The following NDE1 variants were observed in gnomAD, a reference collection of about 807,000 sequenced individuals.
NDE1 encodes nuclear distribution protein nudE homolog 1.
NDE1 carries 28 observed loss-of-function variants against 43.4 expected under a neutral mutation model. The observed-to-expected ratio is 0.65, with a 90% CI of 0.48 to 0.89. NDE1 has a LOEUF of 0.89. Ranked by LOEUF, NDE1 falls within the 40% of genes least tolerant of loss-of-function variation. NDE1 has a pLI of 0.00. For synonymous variants in NDE1, 184 were observed against 172.0 expected, an observed-to-expected ratio of 1.07 and a Z score of -0.55; for missense variants, 441 against 434.1, an observed-to-expected ratio of 1.02 and a Z score of -0.14.
intron 8 of NDE1, chr16:15,708,710 G>C: frequency 7.5e-7 from 1 of 1,327,358 alleles, no homozygotes; most frequent in South Asian, 1.3e-5. Flanking sequence ...AATGTGCAAG[G>C]GTTTAAAAAT....
intron 8 of NDE1, among the ~76,000 whole-genome samples, chr16:15,697,918 T>C (rs1051376091): frequency 3.3e-5 from 5 of 150,792 alleles, no homozygotes; most frequent in Admixed American, 3.3e-4. Flanking sequence ...GCAATTCTCC[T>C]GCCTCAGCCT....
chr16:15,681,559 C>G (rs1001066681), intron 4 of NDE1, among the ~76,000 whole-genome samples: 1 of 152,006 alleles, frequency 6.6e-6, no homozygotes, highest in Non-Finnish European at 1.5e-5. Flanking sequence ...CCATACCCGG[C>G]CTTTGGCATA....
At chr16:15,657,747 C>T (rs2036843352) in intron 1 of NDE1, among the ~76,000 whole-genome samples, 1 of 151,990 alleles carries the variant, frequency 6.6e-6, no homozygotes, top group South Asian at 2.1e-4. Context: ...AGGCACGCAC[C>T]GCCGTGCCCG....
intron 4 of NDE1, among the ~76,000 whole-genome samples, chr16:15,680,414 G>A (rs534260199): frequency 6.6e-6 from 1 of 152,248 alleles, no homozygotes; most frequent in South Asian, 2.1e-4. Context: ...TCCTGCCAGT[G>A]CACTCAGATT....
intron 3 of NDE1, 36 bp downstream of exon 3, chr16:15,667,475 C>T (rs1419459319): frequency 1.2e-6 from 2 of 1,611,664 alleles, no homozygotes; most frequent in East Asian, 4.5e-5. Context: ...CAGGTGTAGA[C>T]AGGCGTCCAA....
In NDE1 at chr16:15,690,353, C is replaced by CTTTTTTTTTTTTTTTTTTTT. The variant is rs869069843; in HGVS notation, c.524-782_524-763dup. ...GCAACTGGCCTTTTTTTTTTTTTTT[C>CTTTTTTTTTTTTTTTTTTTT]TTTTTTTTTTTTTTTTTTTTTTTTT... On this transcript the variant is annotated intron_variant, in intron 5 of 8. Transcript: ENST00000396354. Among the ~76,000 whole-genome samples the CTTTTTTTTTTTTTTTTTTTT allele has an allele frequency of 5.9e-4, 48 of 80,986 alleles. 2 individuals are homozygous for CTTTTTTTTTTTTTTTTTTTT. The highest frequency in any genetic ancestry group is 7.3e-4 in the Non-Finnish European group (34 of 46,366). The allele number at this position is 80,986 out of a possible 152,430, so 53.1% of individuals were successfully genotyped here. A position where few individuals can be genotyped will look rare whatever the true frequency, so the allele number is the denominator to read the frequency against.
In NDE1 at chr16:15,708,842, CTG is replaced by C. The variant is rs768287089; in HGVS notation, c.947+11983_947+11984del. On this transcript the variant is annotated intron_variant, in intron 8 of 8. Transcript: ENST00000396354. ...CGAAGTTTCCTGTGGGGGGGGCCCTCTGAAACAGAGAGAGAATCCCCGGAGGT... is the reference window on the plus strand; with the variant it reads ...CGAAGTTTCCTGTGGGGGGGGCCCTCAAACAGAGAGAGAATCCCCGGAGGT... The C allele has an allele frequency of 6.2e-7, 1 of 1,610,086 alleles. No homozygotes were observed. Among genetic ancestry groups the C allele is most frequent in the Admixed American group, 1.7e-5 (1 of 59,360 alleles).
intron 5 of NDE1, among the ~76,000 whole-genome samples, chr16:15,688,103 G>A (rs527700888): frequency 1.3e-5 from 2 of 152,350 alleles, no homozygotes; most frequent in South Asian, 4.1e-4. Flanking sequence ...TTCAGCCCAG[G>A]AGGTGGAGTA....
In NDE1 at chr16:15,659,410, G is replaced by C. The variant is rs2036930704; in HGVS notation, c.-43-5326G>C. 2.7e-5 allele frequency among the ~76,000 whole-genome samples: 4 copies of C among 147,166 alleles called. No individual in the cohort carries two copies. The South Asian group carries it at 8.6e-4, about 31-fold the overall frequency. ...CTAAGTTCTCTTGAGGGAAGGAAGGGACCTTGCACACAATCTTTTTTTTTT... is the reference window on the plus strand; with the variant it reads ...CTAAGTTCTCTTGAGGGAAGGAAGGCACCTTGCACACAATCTTTTTTTTTT... On this transcript the variant is annotated intron_variant, in intron 1 of 8. Coordinates refer to ENST00000396354, the MANE Select transcript of NDE1 (RefSeq NM_017668.3).
At chr16:15,661,240 C>A (rs901851874) in intron 1 of NDE1, among the ~76,000 whole-genome samples, 1 of 151,476 alleles carries the variant, frequency 6.6e-6, no homozygotes, top group African/African-American at 2.4e-5. Context: ...GCTCCGCCTC[C>A]CGGGTTCAAG....
upstream of NDE1, among the ~76,000 whole-genome samples, chr16:15,650,061 G>C (rs996305257): frequency 6.6e-6 from 1 of 152,138 alleles, no homozygotes; most frequent in African/African-American, 2.4e-5. Context: ...ACCCCCTCCG[G>C]CCAGGAGCCT....
intron 2 of NDE1, among the ~76,000 whole-genome samples, chr16:15,665,553 C>T (rs184543396): frequency 1.3e-5 from 2 of 151,712 alleles, no homozygotes; most frequent in East Asian, 3.9e-4. Flanking sequence ...AAGCAATTCT[C>T]GTGCCTCAGC....
intron 6 of NDE1, among the ~76,000 whole-genome samples, chr16:15,693,238 C>T (rs1690545334): frequency 1.3e-5 from 2 of 152,292 alleles, no homozygotes; most frequent in South Asian, 4.1e-4. Flanking sequence ...CTCCTGACCT[C>T]AACTGATCGA....
At chr16:15,717,004 A>AC (rs1357826459) in intron 8 of NDE1, 2 of 973,266 alleles carry the variant, frequency 2.1e-6, no homozygotes, top group East Asian at 4.7e-5. Context: ...CTCACAACAT[A>AC]CCTGCACTGT....
At chr16:15,663,103 A>G (rs1331801382) in intron 1 of NDE1, among the ~76,000 whole-genome samples, 1 of 152,128 alleles carries the variant, frequency 6.6e-6, no homozygotes, top group African/African-American at 2.4e-5. Flanking sequence ...CAGTCTGTCC[A>G]GGTAGGTTCC....
At chr16:15,660,066 AT>A (rs2036970370) in intron 1 of NDE1, among the ~76,000 whole-genome samples, 1 of 152,092 alleles carries the variant, frequency 6.6e-6, no homozygotes, top group Non-Finnish European at 1.5e-5. Context: ...TCTTACTTGG[AT>A]TCCTCATGCC....
intron 4 of NDE1, among the ~76,000 whole-genome samples, chr16:15,685,083 G>A (rs763240515): frequency 2.6e-5 from 4 of 152,176 alleles, no homozygotes; most frequent in Non-Finnish European, 5.9e-5. Context: ...GCATGATAAT[G>A]GGTCTTCCTC....
At chr16:15,722,101 C>T (rs1383732940) in intron 8 of NDE1, among the ~76,000 whole-genome samples, 1 of 152,128 alleles carries the variant, frequency 6.6e-6, no homozygotes, top group Non-Finnish European at 1.5e-5. Flanking sequence ...TCAAGTGAGC[C>T]TCCTGCCTCG....
rs771582335 is a variant in NDE1 at position 15,667,382 on chromosome 16, G to A, written c.180G>A (p.Arg60=). The A allele has an allele frequency of 5.0e-6, 8 of 1,613,894 alleles. No homozygotes were observed. The highest frequency in any genetic ancestry group is 2.7e-5 in the African/African-American group (2 of 74,906). The change falls in exon 3 of 9, where the codon AGG becomes AGA. Residue 60 remains arginine, a synonymous_variant. Transcript: ENST00000396354. The part of the protein sequence containing the change: ...LETQLQQIET[R]NRDLLSENNR... The stretch of plus-strand genomic sequence containing the variant: ...CGCAGCTGCAACAAATTGAAACCAG[G>A]AACAGAGACCTCCTGTCCGAAAATA...
Sources: allele counts gnomAD v4.1 joint callset (sites outside exome capture counted in the v4.1 genomes callset), GRCh38; gene constraint gnomAD v4.1.1; transcripts MANE v1.5; gene names NCBI Gene and HGNC (gene_info 2026-07-23, HGNC 2026-07-21).